The following ROBO2 variants were observed in gnomAD, a reference collection of about 807,000 sequenced individuals.
The protein encoded by ROBO2 is roundabout homolog 2.
A neutral mutation model predicts 160.8 loss-of-function variants in ROBO2; 53 were observed. That is an observed-to-expected ratio of 0.33 (90% CI 0.26 to 0.41). ROBO2 has a LOEUF of 0.41. Among genes scored for constraint, ROBO2 ranks in the 10% least tolerant of loss-of-function variants. ROBO2 has a pLI of 1.00. For synonymous variants in ROBO2, 664 were observed against 611.7 expected (o/e 1.09, Z -1.26); for missense variants, 1,577 against 1,722.4 (o/e 0.92, Z 1.49).
intron 2 of ROBO2, among the ~76,000 whole-genome samples, chr3:77,179,052 C>CTA (rs1307899338): frequency 1.3e-5 from 2 of 151,766 alleles, no homozygotes; most frequent in African/African-American, 4.8e-5. Flanking sequence ...GTGGTACTTA[C>CTA]TATATATATT....
chr3:76,633,398 T>G (rs145871738), intron 2 of ROBO2, among the ~76,000 whole-genome samples: 45 of 152,310 alleles, frequency 3.0e-4, no homozygotes, highest in Non-Finnish European at 2.6e-4. Flanking sequence ...GAGTCACTTT[T>G]ATTTTGGGGT....
chr3:77,347,460 TATA>T (rs2067787820), intron 2 of ROBO2, among the ~76,000 whole-genome samples: 2 of 152,036 alleles, frequency 1.3e-5, no homozygotes, highest in Non-Finnish European at 2.9e-5. Context: ...AGCATAGGAC[TATA>T]ATGTTTATTT....
intron 2 of ROBO2, among the ~76,000 whole-genome samples, chr3:76,302,121 T>A (rs1576321565): frequency 1.3e-5 from 2 of 152,204 alleles, no homozygotes; most frequent in African/African-American, 4.8e-5. Flanking sequence ...GTGATACTCA[T>A]GCCTTAACTA....
At chr3:76,243,655 C>T (rs950005123) in intron 2 of ROBO2, among the ~76,000 whole-genome samples, 2 of 152,154 alleles carry the variant, frequency 1.3e-5, no homozygotes, top group East Asian at 1.9e-4. Context: ...CACTTGCAGG[C>T]GTGATGCCTG....
chr3:76,674,360 TG>T (rs1485685687), intron 2 of ROBO2, among the ~76,000 whole-genome samples: 1 of 151,988 alleles, frequency 6.6e-6, no homozygotes, highest in Non-Finnish European at 1.5e-5. Context: ...ATCCCCCAGG[TG>T]GGAAAACGTG....
chr3:76,492,229 T>G (rs1455496578), intron 2 of ROBO2, among the ~76,000 whole-genome samples: 2 of 152,228 alleles, frequency 1.3e-5, no homozygotes, highest in East Asian at 3.9e-4. Flanking sequence ...TGGGCTGTAT[T>G]AGGCTTTTAA....
chr3:76,472,068 T>G (rs1468111568), intron 2 of ROBO2, among the ~76,000 whole-genome samples: 1 of 78,666 alleles, frequency 1.3e-5, no homozygotes, highest in East Asian at 5.1e-4. Flanking sequence ...ATAAAATGTG[T>G]GTGTGTGTGT....
chr3:77,200,080 A>G (rs1166706363), intron 2 of ROBO2, among the ~76,000 whole-genome samples: 2 of 151,104 alleles, frequency 1.3e-5, no homozygotes, highest in East Asian at 3.9e-4. Context: ...TTTTAGATGT[A>G]TAAGTATGTA....
chr3:77,497,891 TAAAG>T (rs1478049123), intron 5 of ROBO2, among the ~76,000 whole-genome samples: 2 of 152,062 alleles, frequency 1.3e-5, no homozygotes, highest in African/African-American at 2.4e-5. Context: ...TAACATGCCA[TAAAG>T]AAACAGTATA....
intron 2 of ROBO2, among the ~76,000 whole-genome samples, chr3:76,447,864 G>A (rs966313709): frequency 4.2e-5 from 6 of 142,072 alleles, no homozygotes; most frequent in Non-Finnish European, 7.6e-5. Flanking sequence ...GGCACAGGAA[G>A]GGGGACATCA....
chr3:75,969,682 C>T lies in ROBO2; in HGVS notation c.109+32080C>T, dbSNP rs192150574. On this transcript the variant is annotated intron_variant, in intron 2 of 26. Transcript: ENST00000487694. ...TGAACACCTTTTCATATACTTGTTG[C>T]CCTTCGTATGTCTTTTTTAAATAAC... Among the ~76,000 whole-genome samples the T allele has an allele frequency of 4.0e-5, 6 of 151,622 alleles. No individual in the cohort carries two copies. The East Asian group carries it at 7.8e-4, about 20-fold the overall frequency.
At chr3:76,843,672 A>C (rs2068510690) in intron 2 of ROBO2, among the ~76,000 whole-genome samples, 1 of 151,988 alleles carries the variant, frequency 6.6e-6, no homozygotes, top group South Asian at 2.1e-4. Context: ...AGTAGAATGG[A>C]TATCACCTGG....
chr3:76,432,754 T>C (rs2109027891), intron 2 of ROBO2, among the ~76,000 whole-genome samples: 1 of 151,898 alleles, frequency 6.6e-6, no homozygotes, highest in South Asian at 2.1e-4. Flanking sequence ...ACAATCCTAA[T>C]ACAATTTGAG....
intron 2 of ROBO2, among the ~76,000 whole-genome samples, chr3:76,174,462 G>C (rs2073155713): frequency 6.6e-6 from 1 of 152,122 alleles, no homozygotes; most frequent in Non-Finnish European, 1.5e-5. Context: ...GAATGGTATT[G>C]CCTAGGTATT....
intron 2 of ROBO2, among the ~76,000 whole-genome samples, chr3:76,493,337 T>TTATATACATATATATATATATATA (rs2079941726): frequency 1.9e-5 from 2 of 104,830 alleles, no homozygotes; most frequent in Non-Finnish European, 4.0e-5. Flanking sequence ...AGACAAAAAA[T>TTATATACATATATATATATATATA]TATATATATA....
intron 2 of ROBO2, among the ~76,000 whole-genome samples, chr3:76,433,832 T>G (rs2109038241): frequency 6.6e-6 from 1 of 152,354 alleles, no homozygotes; most frequent in Middle Eastern, 3.4e-3. Flanking sequence ...TCCTTAAACC[T>G]TAAAGACATA....
intron 2 of ROBO2, among the ~76,000 whole-genome samples, chr3:77,220,543 A>T (rs1005685475): frequency 6.6e-6 from 1 of 152,190 alleles, no homozygotes; most frequent in African/African-American, 2.4e-5. Context: ...TATTATTTTA[A>T]TATAGTTCAA....
At chr3:76,144,453 A>G (rs1289936718) in intron 2 of ROBO2, among the ~76,000 whole-genome samples, 1 of 152,068 alleles carries the variant, frequency 6.6e-6, no homozygotes, top group Non-Finnish European at 1.5e-5. Flanking sequence ...ATCTATACTT[A>G]TCACTAAGCC....
intron 5 of ROBO2, among the ~76,000 whole-genome samples, chr3:77,504,130 T>G (rs1394730959): frequency 6.6e-6 from 1 of 152,152 alleles, no homozygotes; most frequent in East Asian, 1.9e-4. Context: ...TAGAAGTCCC[T>G]CTGAGAAGTG....
Sources: gnomAD v4.1 joint callset for allele counts (sites outside exome capture counted in the v4.1 genomes callset) on GRCh38, gnomAD v4.1.1 for gene constraint, MANE v1.5 for transcripts, NCBI Gene and HGNC (gene_info 2026-07-23, HGNC 2026-07-21) for gene names.